Variants in TSHZ3 observed in about 807,000 individuals in gnomAD.
The protein encoded by TSHZ3 is teashirt homolog 3.
A neutral mutation model predicts 64.5 loss-of-function variants in TSHZ3; 10 were observed. That is an observed-to-expected ratio of 0.16 (90% CI 0.10 to 0.26). The LOEUF (loss-of-function observed/expected upper bound fraction) is 0.26, where lower values mean the gene tolerates loss of function less well. TSHZ3 is among the 10% of genes least tolerant of loss of function. The pLI is 1.00. For missense variants in TSHZ3, 1,242 were observed against 1,421.7 expected, an observed-to-expected ratio of 0.87 and a Z score of 2.03; for synonymous variants, 608 against 593.1, an observed-to-expected ratio of 1.03 and a Z score of -0.36.
At chr19:31,215,740 G>A (rs1311751528) in intron 4 of TSHZ3, among the ~76,000 whole-genome samples, 1 of 152,012 alleles carries the variant, frequency 6.6e-6, no homozygotes, top group Non-Finnish European at 1.5e-5. Flanking sequence ...GCATAGTGGT[G>A]TGTGCCTGTA....
downstream of TSHZ3, among the ~76,000 whole-genome samples, chr19:31,270,522 G>A (rs890769542): frequency 1.3e-5 from 2 of 152,128 alleles, no homozygotes; most frequent in Non-Finnish European, 2.9e-5. Flanking sequence ...TGTGGCCCAG[G>A]TTGGTCACTA....
chr19:31,243,678 T>C (rs1975725639), intron 1 of TSHZ3, among the ~76,000 whole-genome samples: 1 of 151,952 alleles, frequency 6.6e-6, no homozygotes, highest in African/African-American at 2.4e-5. Flanking sequence ...GGGGGCTCCG[T>C]GCCTCCCCTG....
chr19:31,224,593 C>G (rs1975434804), intron 4 of TSHZ3, among the ~76,000 whole-genome samples: 2 of 152,166 alleles, frequency 1.3e-5, no homozygotes, highest in South Asian at 2.1e-4. Context: ...CTCACAGAAG[C>G]CAGACGTGGT....
chr19:31,231,401 C>G (rs1050831703), intron 3 of TSHZ3, among the ~76,000 whole-genome samples: 1 of 152,140 alleles, frequency 6.6e-6, no homozygotes, highest in Non-Finnish European at 1.5e-5. Flanking sequence ...ACCCACATGC[C>G]CCGATCCCGA....
At chr19:31,307,303 T>C (rs1916329261) in intron 1 of TSHZ3, among the ~76,000 whole-genome samples, 1 of 151,762 alleles carries the variant, frequency 6.6e-6, no homozygotes, top group African/African-American at 2.4e-5. Context: ...TCCATCTGCT[T>C]AGTGCTCCCC....
intron 1 of TSHZ3, among the ~76,000 whole-genome samples, chr19:31,295,564 C>A (rs1447047275): frequency 6.6e-6 from 1 of 152,068 alleles, no homozygotes; most frequent in East Asian, 1.9e-4. Context: ...CAAAATCAGG[C>A]AAAGCTCACC....
Position 31,276,515 on chromosome 19 carries a change from C to G in TSHZ3, c.*32G>C. On this transcript the variant is annotated 3_prime_UTR_variant, in exon 2 of 2. Coordinates refer to ENST00000240587, the MANE Select transcript of TSHZ3 (RefSeq NM_020856.4). ...GTGCCTTCCACAGTTTCCCTCAAAG[C>G]AAACTGCAGTCCTTTCTATCAAAAG... is the stretch of plus-strand genomic sequence containing the variant. The G allele has an allele frequency of 6.6e-7, 1 of 1,516,028 alleles. No homozygotes were observed. Among genetic ancestry groups the G allele is most frequent in the Non-Finnish European group, 8.8e-7 (1 of 1,130,136 alleles). 93.9% of individuals were successfully genotyped at this position (1,516,028 alleles called of 1,614,324 possible).
intron 5 of TSHZ3, among the ~76,000 whole-genome samples, chr19:31,163,316 G>T (rs1974394783): frequency 6.6e-6 from 1 of 152,202 alleles, no homozygotes; most frequent in Admixed American, 6.5e-5. Context: ...CTGGAAAGAT[G>T]AAATCTGATT....
chr19:31,241,561 C>T (rs1975690041), intron 3 of TSHZ3, among the ~76,000 whole-genome samples: 1 of 152,230 alleles, frequency 6.6e-6, no homozygotes, highest in African/African-American at 2.4e-5. Flanking sequence ...CACGTGCAGT[C>T]TGGTTCTCAG....
In TSHZ3 at chr19:31,275,910, A is replaced by G. The variant is rs1265219113; in HGVS notation, c.*637T>C. On this transcript the variant is annotated 3_prime_UTR_variant, in exon 2 of 2. Coordinates refer to ENST00000240587, the MANE Select transcript of TSHZ3 (RefSeq NM_020856.4). ...ATAAATGCAAGAAAAAGGTCATTTA[A>G]CCACAATCACATTTTTTTTCATAAG... 1.3e-5 allele frequency: 2 copies of G among 152,490 alleles called. No individual in the cohort carries two copies. The highest frequency in any genetic ancestry group is 4.8e-5 in the African/African-American group (2 of 41,468). 9.4% of individuals were successfully genotyped at this position (152,490 alleles called of 1,614,324 possible).
intron 5 of TSHZ3, among the ~76,000 whole-genome samples, chr19:31,192,047 T>C (rs1974917779): frequency 6.6e-6 from 1 of 152,174 alleles, no homozygotes; most frequent in Admixed American, 6.6e-5. Context: ...ATGTTCTTCA[T>C]TATACATGAA....
intron 1 of TSHZ3, among the ~76,000 whole-genome samples, chr19:31,329,316 G>A (rs987099112): frequency 6.6e-6 from 1 of 152,186 alleles, no homozygotes; most frequent in African/African-American, 2.4e-5. Context: ...TGAAATGAAG[G>A]TGTCACGCTG....
chr19:31,329,859 T>G (rs1005492541), intron 1 of TSHZ3, among the ~76,000 whole-genome samples: 1 of 152,164 alleles, frequency 6.6e-6, no homozygotes, highest in Admixed American at 6.5e-5. Flanking sequence ...CCCATCAGCG[T>G]TGGGTCAACT....
chr19:31,159,228 T>C (rs1160357053), intron 5 of TSHZ3, among the ~76,000 whole-genome samples: 1 of 152,210 alleles, frequency 6.6e-6, no homozygotes, highest in Non-Finnish European at 1.5e-5. Flanking sequence ...CTTGAACTCC[T>C]GACCTCCGGT....
intron 1 of TSHZ3, among the ~76,000 whole-genome samples, chr19:31,267,348 C>T (rs1976067817): frequency 6.6e-6 from 1 of 152,142 alleles, no homozygotes. Flanking sequence ...CTCAGACCCT[C>T]TCTCAGAACA....
chr19:31,349,538 G>A, upstream of TSHZ3: 1 of 298,800 alleles, frequency 3.3e-6, no homozygotes, highest in Non-Finnish European at 6.1e-6. Flanking sequence ...GCTGCCGGCG[G>A]AATGGGAAGT....
At position 31,277,474 on chromosome 19, in the gene TSHZ3, C is replaced by T; in HGVS notation, c.2319G>A (p.Lys773=). ...VATPPPLQSK[K]ADHLDRYFYH... is the part of the protein sequence containing the mutation. ...AGAAATAGCGGTCGAGGTGGTCTGC[C>T]TTCTTGGACTGCAGGGGCGGCGGGG... is the stretch of plus-strand genomic sequence containing the variant. Residue 773 remains lysine (K), a synonymous_variant, in exon 2 of 2, where the codon AAG becomes AAA. Transcript: ENST00000240587. The surrounding 1 kb of genome is among the most constrained non-coding windows in gnomAD (Gnocchi z 4.5). 6.2e-7 allele frequency: 1 copy of T among 1,613,132 alleles called. No homozygotes were observed. The highest frequency in any genetic ancestry group is 1.7e-4 in the Middle Eastern group (1 of 6,052).
intron 1 of TSHZ3, among the ~76,000 whole-genome samples, chr19:31,303,130 T>C (rs978144040): frequency 2.0e-5 from 3 of 152,064 alleles, no homozygotes; most frequent in Admixed American, 2.0e-4. Context: ...CTACACCAAA[T>C]GAATGAATAT....
intron 1 of TSHZ3, among the ~76,000 whole-genome samples, chr19:31,257,759 C>T (rs1035164118): frequency 6.6e-6 from 1 of 152,204 alleles, no homozygotes; most frequent in Non-Finnish European, 1.5e-5. Flanking sequence ...GCTCTGGTTG[C>T]TTCTGTATGG....
Sources: gnomAD v4.1 joint callset for allele counts (sites outside exome capture counted in the v4.1 genomes callset) on GRCh38, gnomAD v4.1.1 for gene constraint, Gnocchi (gnomAD v3.1) non-coding constraint, MANE v1.5 for transcripts, NCBI Gene and HGNC (gene_info 2026-07-23, HGNC 2026-07-21) for gene names.